Variants in GPC6 observed in about 807,000 individuals in gnomAD.
GPC6 encodes glypican 6, also known as glypican-6.
Under a neutral mutation model 55.2 loss-of-function variants are expected in GPC6, and 14 were observed. The ratio of observed to expected loss-of-function variants is 0.25; its 90% CI spans 0.17 to 0.40. The LOEUF (loss-of-function observed/expected upper bound fraction) is 0.40. Ranked by LOEUF, GPC6 falls within the 10% of genes least tolerant of loss-of-function variation. The pLI is 1.00. For missense variants in GPC6, 641 were observed against 708.5 expected (o/e 0.90, Z 1.08); for synonymous variants, 278 against 259.6 (o/e 1.07, Z -0.68).
chr13:93,339,075 G>A (rs1880144989), intron 1 of GPC6, among the ~76,000 whole-genome samples: 1 of 152,102 alleles, frequency 6.6e-6, no homozygotes, highest in East Asian at 1.9e-4. Context: ...ACAATCATTT[G>A]GAAATAGCCC....
At chr13:93,249,754 C>T (rs997661263) in intron 1 of GPC6, among the ~76,000 whole-genome samples, 10 of 152,218 alleles carry the variant, frequency 6.6e-5, no homozygotes, top group Admixed American at 5.2e-4. Flanking sequence ...CAGGAAATGG[C>T]TCATTTTACA....
chr13:93,339,332 CCTT>C (rs1330609526), intron 1 of GPC6, among the ~76,000 whole-genome samples: 1 of 151,162 alleles, frequency 6.6e-6, no homozygotes, highest in Admixed American at 6.6e-5. Context: ...TCATGGCTCT[CCTT>C]CTCTGTATTT....
At chr13:94,043,611 T>C (rs1031738193) in intron 4 of GPC6, among the ~76,000 whole-genome samples, 22 of 151,900 alleles carry the variant, frequency 1.4e-4, no homozygotes, top group African/African-American at 5.3e-4. Context: ...TTCATACTGA[T>C]GCCAGCTGAA....
chr13:93,992,347 C>T (rs1438043958), intron 3 of GPC6, among the ~76,000 whole-genome samples: 1 of 151,922 alleles, frequency 6.6e-6, no homozygotes, highest in Admixed American at 6.6e-5. Context: ...AAAGAATGTA[C>T]CTTTTCAGTG....
chr13:93,771,283 C>T (rs559385214), intron 2 of GPC6, among the ~76,000 whole-genome samples: 2 of 152,180 alleles, frequency 1.3e-5, no homozygotes, highest in African/African-American at 2.4e-5. Flanking sequence ...TACTGGATCA[C>T]GCTTCCTTCC....
intron 4 of GPC6, among the ~76,000 whole-genome samples, chr13:94,185,211 G>A (rs1274472770): frequency 2.0e-5 from 3 of 150,294 alleles, no homozygotes; most frequent in South Asian, 2.1e-4. Flanking sequence ...ACCTGGGTGC[G>A]GTATACCCAT....
chr13:93,241,226 A>T (rs1046085986), intron 1 of GPC6, among the ~76,000 whole-genome samples: 1 of 152,214 alleles, frequency 6.6e-6, no homozygotes, highest in Admixed American at 6.5e-5. Flanking sequence ...TCCCTCAAAT[A>T]GGTTTTCCAA....
intron 3 of GPC6, among the ~76,000 whole-genome samples, chr13:93,926,206 A>T (rs1056865437): frequency 1.3e-4 from 20 of 152,186 alleles, no homozygotes; most frequent in African/African-American, 4.6e-4. Context: ...GGGCCTAGAT[A>T]GGGAAGACAT....
At chr13:94,282,381 G>A (rs565474451) in intron 4 of GPC6, among the ~76,000 whole-genome samples, 1 of 152,230 alleles carries the variant, frequency 6.6e-6, no homozygotes, top group African/African-American at 2.4e-5. Flanking sequence ...AAAACCATCA[G>A]ATCTCATGAG....
intron 3 of GPC6, among the ~76,000 whole-genome samples, chr13:93,983,833 G>T (rs1405716602): frequency 3.3e-5 from 5 of 149,832 alleles, no homozygotes; most frequent in Non-Finnish European, 7.4e-5. Context: ...GTCCCAAAGA[G>T]TTCTGGACTG....
chr13:93,775,583 C>T (rs1885440911), intron 2 of GPC6, among the ~76,000 whole-genome samples: 1 of 152,168 alleles, frequency 6.6e-6, no homozygotes, highest in Non-Finnish European at 1.5e-5. Flanking sequence ...AAATAATAAG[C>T]ACGTATATTT....
intron 1 of GPC6, among the ~76,000 whole-genome samples, chr13:93,538,870 AT>A (rs1312839507): frequency 6.6e-6 from 1 of 151,506 alleles, no homozygotes; most frequent in Admixed American, 6.6e-5. Context: ...TGAATGTTCT[AT>A]TTTTTTAAAT....
chr13:94,045,796 A>G lies in GPC6; in HGVS notation c.877+17902A>G, dbSNP rs541091668. Reference sequence around the variant, plus strand: ...ATGACACACACTCTCTACCATTGCCATACCCACATCTACTCAAGCAAAACC... The same window carrying G: ...ATGACACACACTCTCTACCATTGCCGTACCCACATCTACTCAAGCAAAACC... On this transcript the variant is annotated intron_variant, in intron 4 of 8. Transcript: ENST00000377047. Among the ~76,000 whole-genome samples, 39 of 151,794 alleles carry G rather than the reference A, an allele frequency of 2.6e-4. 1 individual carries two copies. The South Asian group carries it at 6.7e-3, about 26-fold the overall frequency.
chr13:93,449,800 C>T (rs1878155360), intron 1 of GPC6, among the ~76,000 whole-genome samples: 1 of 150,586 alleles, frequency 6.6e-6, no homozygotes, highest in Admixed American at 6.7e-5. Flanking sequence ...TGCACTCCAG[C>T]CTGGGCAATA....
At chr13:93,302,929 C>T (rs1388783179) in intron 1 of GPC6, among the ~76,000 whole-genome samples, 1 of 152,152 alleles carries the variant, frequency 6.6e-6, no homozygotes, top group Non-Finnish European at 1.5e-5. Context: ...GATTTGCAAA[C>T]ATAAGCAAAA....
chr13:93,387,983 G>A (rs554675367), intron 1 of GPC6, among the ~76,000 whole-genome samples: 1 of 152,072 alleles, frequency 6.6e-6, no homozygotes, highest in Admixed American at 6.5e-5. Flanking sequence ...CTATCTGAAC[G>A]ATCATCCTGT....
Position 94,110,786 on chromosome 13 carries a change from C to A in GPC6, c.877+82892C>A, listed in dbSNP as rs553605675. On this transcript the variant is annotated intron_variant, in intron 4 of 8. Transcript: ENST00000377047. The stretch of plus-strand genomic sequence containing the variant: ...AGAAGTGAAAATACTAGCAGAAAAA[C>A]CAAATAGAAATATTCATCAGTGTTA... 2.9e-4 allele frequency among the ~76,000 whole-genome samples: 44 copies of A among 152,040 alleles called. 1 individual carries two copies. Among genetic ancestry groups the A allele is most frequent in the Admixed American group, 1.3e-3 (20 of 15,260 alleles).
intron 2 of GPC6, among the ~76,000 whole-genome samples, chr13:93,681,538 TA>T (rs1881846192): frequency 6.6e-6 from 1 of 152,208 alleles, no homozygotes; most frequent in African/African-American, 2.4e-5. Flanking sequence ...TGGTATTAAA[TA>T]AAACTTAATT....
At chr13:94,058,270 A>G (rs1884199982) in intron 4 of GPC6, among the ~76,000 whole-genome samples, 1 of 152,226 alleles carries the variant, frequency 6.6e-6, no homozygotes, top group African/African-American at 2.4e-5. Flanking sequence ...TACGGAAATC[A>G]AGATGATTTC....
Sources: gnomAD v4.1 joint callset for allele counts (sites outside exome capture counted in the v4.1 genomes callset) on GRCh38, gnomAD v4.1.1 for gene constraint, MANE v1.5 for transcripts, NCBI Gene and HGNC (gene_info 2026-07-23, HGNC 2026-07-21) for gene names.